Variants in CACNA1H observed in about 807,000 individuals in gnomAD.
The protein encoded by CACNA1H is calcium voltage-gated channel subunit alpha1 H.
Under a neutral mutation model 192.5 loss-of-function variants are expected in CACNA1H, and 149 were observed. The observed-to-expected ratio is 0.77, with a 90% CI of 0.68 to 0.89. The LOEUF is 0.89. Ranked by LOEUF, CACNA1H falls within the 40% of genes least tolerant of loss-of-function variation. The pLI is 0.00. For synonymous variants in CACNA1H, 2,202 were observed against 1,475.2 expected (o/e 1.49, Z -11.29); for missense variants, 4,257 against 3,423.5 (o/e 1.24, Z -6.08).
At chr16:1,158,995 C>T (rs944680236) in intron 2 of CACNA1H, among the ~76,000 whole-genome samples, 5 of 152,222 alleles carry the variant, frequency 3.3e-5, no homozygotes, top group African/African-American at 4.8e-5. Flanking sequence ...GATCCTTCAT[C>T]GCTGGGATCG....
Position 1,204,183 on chromosome 16 carries a change from G to A in CACNA1H, c.2176G>A (p.Gly726Ser). Residue 726 changes from glycine to serine, a missense_variant, in exon 10 of 35, where the codon GGC becomes AGC. Physicochemically the swap from Gly to Ser is moderately conservative, Grantham distance 56 (BLOSUM62 0). Transcript: ENST00000348261. ...GSESGDSDGR[G>S]VYEFTQDVRH... is the part of the protein sequence containing the mutation. ...GGAAAGTGGAGACTCAGATGGCCGT[G>A]GCGTCTATGAATTCACGCAGGACGT... The A allele has an allele frequency of 1.2e-6, 2 of 1,612,364 alleles. No homozygotes were observed. The highest frequency in any genetic ancestry group is 1.7e-6 in the Non-Finnish European group (2 of 1,179,714).
chr16:1,214,346 C>T (rs140612030), intron 27 of CACNA1H, among the ~76,000 whole-genome samples: 8 of 152,350 alleles, frequency 5.3e-5, no homozygotes, highest in East Asian at 1.9e-4. Flanking sequence ...AGGAGGTAGC[C>T]TCTGGGTAGC....
intron 2 of CACNA1H, among the ~76,000 whole-genome samples, chr16:1,188,382 C>T (rs576370758): frequency 6.6e-6 from 1 of 152,278 alleles, no homozygotes; most frequent in East Asian, 1.9e-4. Context: ...AGAGGGGTCC[C>T]ACAGCACCTC....
At chr16:1,206,557 T>G in intron 12 of CACNA1H, 1 of 506,536 alleles carries the variant, frequency 2.0e-6, no homozygotes, top group Non-Finnish European at 3.5e-6. Context: ...AAGAGCAGAA[T>G]ACCGGGGGTG....
At chr16:1,168,545 G>A (rs1964034720) in intron 2 of CACNA1H, among the ~76,000 whole-genome samples, 1 of 152,008 alleles carries the variant, frequency 6.6e-6, no homozygotes, top group African/African-American at 2.4e-5. Context: ...TGGAGGCAGG[G>A]AGGGCTCCCT....
At chr16:1,215,420 TG>T in intron 29 of CACNA1H, 45 bp downstream of exon 29, 1 of 577,616 alleles carries the variant, frequency 1.7e-6, no homozygotes. Context: ...GGGTGGAGGG[TG>T]GGGGCTCAGC....
At position 1,210,112 on chromosome 16, in the gene CACNA1H, C is replaced by T. The variant is rs1420007497; in HGVS notation, c.3822C>T (p.Leu1274=). 1.3e-6 allele frequency: 2 copies of T among 1,559,460 alleles called. No individual in the cohort carries two copies. Among genetic ancestry groups the T allele is most frequent in the South Asian group, 1.2e-5 (1 of 84,456 alleles). The change falls in exon 18 of 35, where the codon CTC becomes CTT. Residue 1274 remains leucine (L), a synonymous_variant. Coordinates refer to ENST00000348261, the MANE Select transcript of CACNA1H (RefSeq NM_021098.3). The part of the protein sequence containing the change: ...QWCRSREAWA[L]YLFSPQNRFR... ...GCCGGAGCCGCGAGGCCTGGGCCCT[C>T]TACCTCTTCTCCCCACAGAACCGGT...
rs567630377 is a variant in CACNA1H, at chr16:1,192,208, C to T, written c.300-2764C>T. On this transcript the variant is annotated intron_variant, in intron 2 of 34. Transcript: ENST00000348261. ...ACCCAGGCCCCCTCCTGGCTTCCCT[C>T]GCTGCCAGTCACAAAGGCTTGGGGT... 3.9e-5 allele frequency among the ~76,000 whole-genome samples: 6 copies of T among 152,340 alleles called. No individual in the cohort carries two copies. The East Asian group carries it at 5.8e-4, about 15-fold the overall frequency.
rs368350417 is a variant in CACNA1H, at chr16:1,195,023, G to C, written c.351G>C (p.Leu117=). 3 of 1,612,006 alleles carry C rather than the reference G, an allele frequency of 1.9e-6. No individual in the cohort carries two copies. Among genetic ancestry groups the C allele is most frequent in the South Asian group, 2.2e-5 (2 of 91,064 alleles). ...MLVIMLNCVT[L]GMFRPCEDVE... ...TAATCATGCTCAACTGCGTGACCCT[G>C]GGCATGTTCCGGCCCTGTGAGGACG... Residue 117 remains leucine (L), a synonymous_variant, in exon 3 of 35, where the codon CTG becomes CTC. Coordinates refer to ENST00000348261, the MANE Select transcript of CACNA1H (RefSeq NM_021098.3).
chr16:1,214,074 G>T (rs376438661), intron 27 of CACNA1H, 143 bp downstream of exon 27: 1 of 742,418 alleles, frequency 1.3e-6, no homozygotes, highest in African/African-American at 1.8e-5. Context: ...GTGTGAACAC[G>T]GGTCTTTTAA....
intron 2 of CACNA1H, among the ~76,000 whole-genome samples, chr16:1,184,896 A>T (rs751254098): frequency 1.7e-4 from 25 of 151,162 alleles, no homozygotes; most frequent in Non-Finnish European, 3.5e-4. Flanking sequence ...GGGATTAGCC[A>T]TTTTTTTTTT....
intron 2 of CACNA1H, among the ~76,000 whole-genome samples, chr16:1,177,307 G>A (rs570739876): frequency 7.9e-5 from 12 of 152,286 alleles, no homozygotes; most frequent in Non-Finnish European, 1.2e-4. Context: ...CCTCAGCCCC[G>A]GCTCTGACAT....
intron 9 of CACNA1H, among the ~76,000 whole-genome samples, chr16:1,202,934 T>C (rs1596414010): frequency 6.7e-6 from 1 of 149,252 alleles, no homozygotes; most frequent in South Asian, 2.1e-4. Context: ...GAGGCTGGCG[T>C]GGGGTTCTCC....
At chr16:1,200,850 TTAGC>T (rs1967782835) in intron 8 of CACNA1H, 42 bp downstream of exon 8, 12 of 1,492,968 alleles carry the variant, frequency 8.0e-6, no homozygotes, top group African/African-American at 5.6e-5. Flanking sequence ...GGCCCTGGTG[TTAGC>T]TGGCTGGGGG....
At chr16:1,195,781 C>T in intron 4 of CACNA1H, 145 bp from the exon 5 acceptor site, 3 of 858,954 alleles carry the variant, frequency 3.5e-6, no homozygotes, top group Non-Finnish European at 5.8e-6. Context: ...GCTCCTGCTA[C>T]CTCGGGGCCC....
intron 2 of CACNA1H, among the ~76,000 whole-genome samples, chr16:1,168,051 G>A (rs1001632118): frequency 6.6e-6 from 1 of 152,168 alleles, no homozygotes; most frequent in Non-Finnish European, 1.5e-5. Context: ...GTAAGGAGCC[G>A]CTGTGCCTAG....
chr16:1,172,746 C>G (rs978564575), intron 2 of CACNA1H, among the ~76,000 whole-genome samples: 2 of 152,104 alleles, frequency 1.3e-5, no homozygotes, highest in East Asian at 3.9e-4. Context: ...CCCTTCTCCC[C>G]GGGGCACCCA....
Position 1,221,292 on chromosome 16 carries a change from G to A in CACNA1H, c.*298G>A, listed in dbSNP as rs538381855. 3.6e-3 allele frequency: 1,521 copies of A among 422,238 alleles called. 15 individuals carry two copies. Among genetic ancestry groups the A allele is most frequent in the Middle Eastern group, 0.011 (18 of 1,648 alleles). 26.2% of individuals were successfully genotyped at this position (422,238 alleles called of 1,614,324 possible). A position where few individuals can be genotyped will look rare whatever the true frequency, so the allele number is the denominator to read the frequency against. Reference sequence around the variant, plus strand: ...AGAGAAGCCGCGTCTGTGGGACGAAGACCGGGCACCCGCCAGAGAGGGGAA... The same window carrying A: ...AGAGAAGCCGCGTCTGTGGGACGAAAACCGGGCACCCGCCAGAGAGGGGAA... On this transcript the variant is annotated 3_prime_UTR_variant, in exon 35 of 35. Coordinates refer to ENST00000348261, the MANE Select transcript of CACNA1H (RefSeq NM_021098.3).
intron 2 of CACNA1H, among the ~76,000 whole-genome samples, chr16:1,184,506 T>G (rs1166278687): frequency 6.6e-6 from 1 of 152,204 alleles, no homozygotes; most frequent in Non-Finnish European, 1.5e-5. Context: ...GCCCTCACCC[T>G]CATCCTCTGT....
Sources: gnomAD v4.1 joint callset for allele counts (sites outside exome capture counted in the v4.1 genomes callset) on GRCh38, gnomAD v4.1.1 for gene constraint, MANE v1.5 for transcripts, NCBI Gene and HGNC (gene_info 2026-07-23, HGNC 2026-07-21) for gene names.